The following SYCP1 variants were observed in gnomAD, a reference collection of about 807,000 sequenced individuals.
SYCP1 encodes the protein synaptonemal complex protein 1.
In SYCP1, 64 loss-of-function variants were observed where a neutral mutation model predicts 153.1. The observed-to-expected ratio is 0.42, with a 90% CI of 0.34 to 0.51. The LOEUF is 0.51. Ranked by LOEUF, SYCP1 falls within the 20% of genes least tolerant of loss-of-function variation. SYCP1 has a pLI of 0.06. For missense variants in SYCP1, 997 were observed against 1,049.0 expected, an observed-to-expected ratio of 0.95 and a Z score of 0.68; for synonymous variants, 384 against 341.8, an observed-to-expected ratio of 1.12 and a Z score of -1.36.
chr1:114,983,172 A>T (rs1234988198), intron 29 of SYCP1, among the ~76,000 whole-genome samples: 1 of 151,894 alleles, frequency 6.6e-6, no homozygotes, highest in African/African-American at 2.4e-5. Context: ...AGTGGTGAAA[A>T]CTTAGGGCCT....
intron 27 of SYCP1, among the ~76,000 whole-genome samples, chr1:114,968,933 G>T (rs575201553): frequency 6.6e-6 from 1 of 152,156 alleles, no homozygotes; most frequent in Non-Finnish European, 1.5e-5. Flanking sequence ...AATAGTCAGG[G>T]TCCTCTTCTG....
chr1:114,901,633 C>T (rs1354741754), intron 16 of SYCP1, among the ~76,000 whole-genome samples: 1 of 152,120 alleles, frequency 6.6e-6, no homozygotes, highest in Non-Finnish European at 1.5e-5. Flanking sequence ...GGTCTTGCTC[C>T]CAAGGACAGC....
rs773846053 is a variant in SYCP1, at chr1:114,886,136, G to A, written c.1017G>A (p.Lys339=). 2 of 1,592,788 alleles carry A rather than the reference G, an allele frequency of 1.3e-6. No individual in the cohort carries two copies. Among genetic ancestry groups the A allele is most frequent in the Non-Finnish European group, 1.7e-6 (2 of 1,172,900 alleles). The part of the protein sequence containing the change: ...VSLQRSVSTQ[K]ALEEDLQIAT... Reference sequence around the variant, plus strand: ...TTTATTTCATTTAGAGTACTCAAAAGGCTTTAGAGGAAGATTTACAGATAG... The same window carrying A: ...TTTATTTCATTTAGAGTACTCAAAAAGCTTTAGAGGAAGATTTACAGATAG... The change falls in exon 14 of 32, where the codon AAG becomes AAA. Residue 339 remains lysine (K), a synonymous_variant. Coordinates refer to ENST00000369522, the MANE Select transcript of SYCP1 (RefSeq NM_003176.4).
intron 27 of SYCP1, among the ~76,000 whole-genome samples, chr1:114,956,315 G>A (rs1570856781): frequency 6.6e-6 from 1 of 152,228 alleles, no homozygotes; most frequent in Admixed American, 6.5e-5. Context: ...GTCTGTGCAG[G>A]GCCCTGCTGA....
intron 11 of SYCP1, 66 bp from the exon 12 acceptor site, chr1:114,878,028 T>C (rs773708528): frequency 2.1e-5 from 19 of 895,938 alleles, no homozygotes; most frequent in Non-Finnish European, 3.0e-5. Context: ...TAATTGTAGG[T>C]ATTATAAATG....
intron 15 of SYCP1, among the ~76,000 whole-genome samples, chr1:114,891,635 A>T (rs567686750): frequency 5.1e-4 from 77 of 152,272 alleles, no homozygotes; most frequent in South Asian, 1.0e-3. Context: ...ATTCAGTCTA[A>T]TATTGCTGTA....
At position 114,950,259 on chromosome 1, in the gene SYCP1, A is replaced by T. The variant is rs1671009571; in HGVS notation, c.2322+2939A>T. Among the ~76,000 whole-genome samples, 3 of 152,264 alleles carry T rather than the reference A, an allele frequency of 2.0e-5. No homozygotes were observed. In the South Asian group the frequency reaches 6.2e-4, roughly 32 times the overall value. Reference sequence around the variant, plus strand: ...TTGCTTCTTCAGCCTAGATTCCTGGAGATAACAAGGAGTAGGGTAGAAACC... The same window carrying T: ...TTGCTTCTTCAGCCTAGATTCCTGGTGATAACAAGGAGTAGGGTAGAAACC... On this transcript the variant is annotated intron_variant, in intron 27 of 31. Transcript: ENST00000369522.
chr1:114,982,237 C>T (rs1482596435), intron 29 of SYCP1, among the ~76,000 whole-genome samples: 1 of 151,922 alleles, frequency 6.6e-6, no homozygotes, highest in Non-Finnish European at 1.5e-5. Flanking sequence ...GGAAGCACTC[C>T]TAATATTCTT....
chr1:114,892,754 T>G (rs1570714494), intron 15 of SYCP1, among the ~76,000 whole-genome samples: 2 of 152,020 alleles, frequency 1.3e-5, no homozygotes, highest in East Asian at 3.9e-4. Flanking sequence ...TTGCTGCCAG[T>G]GGGGTGCACT....
chr1:114,914,095 T>C, intron 20 of SYCP1, 50 bp downstream of exon 20: 1 of 1,369,680 alleles, frequency 7.3e-7, no homozygotes, highest in South Asian at 1.4e-5. Context: ...ATTTTGATAT[T>C]TCTTTTCTAT....
At chr1:114,961,972 C>CTATCTT (rs1385428827) in intron 27 of SYCP1, among the ~76,000 whole-genome samples, 1 of 142,562 alleles carries the variant, frequency 7.0e-6, no homozygotes, top group East Asian at 2.1e-4. Flanking sequence ...GTGTTGCCAT[C>CTATCTT]TATCTTTTTT....
chr1:114,947,055 CTTG>C (rs1377655058), intron 26 of SYCP1, among the ~76,000 whole-genome samples, 188 bp from the exon 27 acceptor site: 1 of 152,088 alleles, frequency 6.6e-6, no homozygotes, highest in East Asian at 1.9e-4. Flanking sequence ...AGCCCAAAAA[CTTG>C]TTTAAATGAG....
At chr1:114,915,699 A>G (rs3768342) in intron 20 of SYCP1, among the ~76,000 whole-genome samples, 1 of 152,216 alleles carries the variant, frequency 6.6e-6, no homozygotes, top group Non-Finnish European at 1.5e-5. Flanking sequence ...GACTTCCACT[A>G]TCTGCCAAAT....
intron 3 of SYCP1, 66 bp from the exon 4 acceptor site, chr1:114,857,166 A>AAAT: frequency 8.8e-7 from 1 of 1,131,522 alleles, no homozygotes; most frequent in Non-Finnish European, 1.2e-6. Context: ...AAGAGAAAAA[A>AAAT]GAAAAAAAAA....
intron 16 of SYCP1, among the ~76,000 whole-genome samples, chr1:114,905,497 A>G (rs1388909070): frequency 6.6e-6 from 1 of 152,242 alleles, no homozygotes; most frequent in Non-Finnish European, 1.5e-5. Flanking sequence ...CTTCTTGTAC[A>G]CAAGGAACAA....
intron 27 of SYCP1, among the ~76,000 whole-genome samples, chr1:114,959,004 C>T (rs1671616235): frequency 6.6e-6 from 1 of 150,540 alleles, no homozygotes; most frequent in African/African-American, 2.4e-5. Context: ...GATATTTTCT[C>T]TCATTCTGTG....
At chr1:114,866,395 A>G (rs769455913) in intron 8 of SYCP1, among the ~76,000 whole-genome samples, 1 of 152,090 alleles carries the variant, frequency 6.6e-6, no homozygotes, top group African/African-American at 2.4e-5. Flanking sequence ...ATGTATTGAT[A>G]TCTCTTTGTT....
chr1:114,878,489 G>A (rs190820858), intron 12 of SYCP1, among the ~76,000 whole-genome samples: 1 of 152,022 alleles, frequency 6.6e-6, no homozygotes, highest in African/African-American at 2.4e-5. Flanking sequence ...TGGAACTGTT[G>A]CATTCCAAGT....
chr1:114,979,538 A>T (rs1393158634), intron 28 of SYCP1, among the ~76,000 whole-genome samples: 1 of 151,770 alleles, frequency 6.6e-6, no homozygotes, highest in Non-Finnish European at 1.5e-5. Context: ...GTAGGGAGGA[A>T]CAATTTGTCC....
Sources: gnomAD v4.1 joint callset for allele counts (sites outside exome capture counted in the v4.1 genomes callset) on GRCh38, gnomAD v4.1.1 for gene constraint, MANE v1.5 for transcripts, NCBI Gene and HGNC (gene_info 2026-07-23, HGNC 2026-07-21) for gene names.